Variants in PHF24 observed in about 807,000 individuals in gnomAD.
PHF24 encodes the protein Galpha inhibitory interacting protein.
PHF24 carries 25 observed loss-of-function variants against 42.6 expected under a neutral mutation model. The ratio of observed to expected loss-of-function variants is 0.59; its 90% CI spans 0.43 to 0.82. The LOEUF (loss-of-function observed/expected upper bound fraction) is 0.82, where lower values mean the gene tolerates loss of function less well. Ranked by LOEUF, PHF24 falls within the 40% of genes least tolerant of loss-of-function variation. PHF24 has a pLI of 0.00. For synonymous variants in PHF24, 185 were observed against 204.8 expected, an observed-to-expected ratio of 0.90 and a Z score of 0.83; for missense variants, 470 against 538.1, an observed-to-expected ratio of 0.87 and a Z score of 1.25.
At chr9:34,774,412 AC>A in the PHF24 span, among the ~76,000 whole-genome samples, 6 of 147,866 alleles carry the variant, frequency 4.1e-5, no homozygotes, top group African/African-American at 1.5e-4. Flanking sequence ...AACAAAAAAA[AC>A]AAACAATCCA....
the PHF24 span, among the ~76,000 whole-genome samples, chr9:34,702,284 A>G: frequency 6.6e-6 from 1 of 152,206 alleles, no homozygotes; most frequent in Admixed American, 6.5e-5. Flanking sequence ...CCTGTAGCAG[A>G]CAGAGGACTG....
the PHF24 span, among the ~76,000 whole-genome samples, chr9:34,944,340 G>A: frequency 6.6e-6 from 1 of 152,200 alleles, no homozygotes; most frequent in Non-Finnish European, 1.5e-5. Flanking sequence ...GCCAATATGT[G>A]ATAGCTAATT....
At chr9:34,938,426 A>G in the PHF24 span, among the ~76,000 whole-genome samples, 1 of 152,256 alleles carries the variant, frequency 6.6e-6, no homozygotes, top group Non-Finnish European at 1.5e-5. Flanking sequence ...AGAATATTCA[A>G]AAGCCTTTCC....
chr9:34,920,849 G>T, the PHF24 span, among the ~76,000 whole-genome samples: 15 of 152,042 alleles, frequency 9.9e-5, no homozygotes, highest in African/African-American at 3.6e-4. Context: ...ATGTTGATTT[G>T]TACTCTGCCA....
chr9:34,739,609 C>T, the PHF24 span, among the ~76,000 whole-genome samples: 3 of 152,108 alleles, frequency 2.0e-5, no homozygotes, highest in African/African-American at 7.2e-5. Flanking sequence ...TTCGGAGTTT[C>T]TTCCTTCCAG....
At chr9:34,709,321 T>C in the PHF24 span, 4 of 1,569,524 alleles carry the variant, frequency 2.5e-6, no homozygotes, top group Middle Eastern at 2.3e-4. Context: ...AGCCTCCTTC[T>C]TGCATCTTGG....
At chr9:34,980,880 A>G (rs1391632844) in exon 8 of PHF24, 1 of 152,190 alleles carries the variant, frequency 6.6e-6, no homozygotes. Flanking sequence ...TGCCCTAAGC[A>G]TTTTTCACCT....
chr9:34,838,308 TG>T, the PHF24 span: 10 of 727,274 alleles, frequency 1.4e-5, no homozygotes, highest in Non-Finnish European at 2.3e-5. Flanking sequence ...GCATATTATC[TG>T]AGGCTTAATT....
the PHF24 span, among the ~76,000 whole-genome samples, chr9:34,934,390 G>T: frequency 6.6e-6 from 1 of 152,134 alleles, no homozygotes; most frequent in East Asian, 1.9e-4. Context: ...TATTCTGTGT[G>T]CAGCTGTCTC....
At chr9:34,735,016 A>G in the PHF24 span, among the ~76,000 whole-genome samples, 1 of 152,162 alleles carries the variant, frequency 6.6e-6, no homozygotes, top group Non-Finnish European at 1.5e-5. Context: ...TCCTGACTAG[A>G]CTGAATCAAT....
At chr9:34,936,159 A>T in the PHF24 span, among the ~76,000 whole-genome samples, 1 of 151,046 alleles carries the variant, frequency 6.6e-6, no homozygotes, top group Admixed American at 6.6e-5. Flanking sequence ...GGCTCACTGC[A>T]ACCTCCCTGC....
the PHF24 span, among the ~76,000 whole-genome samples, chr9:34,918,924 G>T: frequency 6.6e-6 from 1 of 152,106 alleles, no homozygotes; most frequent in Non-Finnish European, 1.5e-5. Context: ...AATCATTTTT[G>T]TTGATAAGAC....
the PHF24 span, among the ~76,000 whole-genome samples, chr9:34,666,839 G>C: frequency 2.6e-5 from 4 of 152,096 alleles, no homozygotes; most frequent in Non-Finnish European, 4.4e-5. Flanking sequence ...CCAGCTACTC[G>C]GGAGGCTGAG....
the PHF24 span, among the ~76,000 whole-genome samples, chr9:34,939,749 C>T: frequency 6.6e-6 from 1 of 151,788 alleles, no homozygotes; most frequent in Non-Finnish European, 1.5e-5. Flanking sequence ...ACATCTACTT[C>T]TACTCAGGGG....
rs1260852088 is a variant in PHF24, at chr9:34,971,685, C to A, written c.378+9C>A. 2 of 1,594,684 alleles carry A rather than the reference C, an allele frequency of 1.3e-6. No homozygotes were observed. The highest frequency in any genetic ancestry group is 1.7e-5 in the Admixed American group (1 of 58,994). ...TGGAGCCCAGAGAGCCTGTGAGTAT[C>A]CAGTTAGGACAGGATCCTCAAGTCT... On this transcript the variant is annotated intron_variant, in intron 2 of 7. Coordinates refer to ENST00000242315, the Ensembl canonical transcript of PHF24.
exon 5 of PHF24, chr9:34,976,541 C>T (rs1827192266): frequency 1.2e-6 from 2 of 1,612,058 alleles, no homozygotes; most frequent in East Asian, 4.5e-5. Context: ...ACAGATTGCT[C>T]CCTGACACTG....
At chr9:34,832,411 T>C in the PHF24 span, 5 of 1,221,022 alleles carry the variant, frequency 4.1e-6, no homozygotes, top group Non-Finnish European at 4.7e-6. Flanking sequence ...AACCGAAGCT[T>C]ATTGTCTAGG....
At chr9:34,928,918 C>T in the PHF24 span, among the ~76,000 whole-genome samples, 1 of 152,220 alleles carries the variant, frequency 6.6e-6, no homozygotes, top group African/African-American at 2.4e-5. Context: ...TCTTGCAGTC[C>T]TCTTGGTACC....
chr9:34,705,835 G>A, the PHF24 span, among the ~76,000 whole-genome samples: 5 of 152,208 alleles, frequency 3.3e-5, no homozygotes, highest in Admixed American at 6.5e-5. Flanking sequence ...AGGCTGAGGC[G>A]GGTGGAGCGC....
Sources: allele counts gnomAD v4.1 joint callset (sites outside exome capture counted in the v4.1 genomes callset), GRCh38; gene constraint gnomAD v4.1.1; transcripts MANE v1.5; gene names NCBI Gene and HGNC (gene_info 2026-07-23, HGNC 2026-07-21).